The following BANK1 variants were observed in gnomAD, a reference collection of about 807,000 sequenced individuals.
The protein encoded by BANK1 is B cell scaffold protein with ankyrin repeats 1.
BANK1 carries 95 observed loss-of-function variants against 94.5 expected under a neutral mutation model. That is an observed-to-expected ratio of 1.00 (90% CI 0.85 to 1.19). BANK1 has a LOEUF of 1.19. Among genes scored for constraint, BANK1 ranks in the 50% most tolerant of loss-of-function variants. BANK1 has a pLI of 0.00. For synonymous variants in BANK1, 334 were observed against 308.4 expected (o/e 1.08, Z -0.87); for missense variants, 987 against 932.2 (o/e 1.06, Z -0.77).
In BANK1 at chr4:102,074,383, C is replaced by T. The variant is rs770075261; in HGVS notation, c.*384C>T. The T allele has an allele frequency of 1.3e-5, 2 of 152,008 alleles. No homozygotes were observed. Among genetic ancestry groups the T allele is most frequent in the Non-Finnish European group, 2.9e-5 (2 of 67,892 alleles). 9.4% of individuals were successfully genotyped at this position (152,008 alleles called of 1,614,324 possible). On this transcript the variant is annotated 3_prime_UTR_variant, in exon 17 of 17. Coordinates refer to ENST00000322953, the MANE Select transcript of BANK1 (RefSeq NM_017935.5). ...ACCTCAACAGATTATTCCTCCTCTCCTTAGAATAACCATGAAAATACAAAT... is the reference window on the plus strand; with the variant it reads ...ACCTCAACAGATTATTCCTCCTCTCTTTAGAATAACCATGAAAATACAAAT...
chr4:102,003,980 T>C (rs1204432568), intron 7 of BANK1, among the ~76,000 whole-genome samples: 1 of 151,828 alleles, frequency 6.6e-6, no homozygotes. Context: ...TCTATATACA[T>C]ACACATATAC....
intron 2 of BANK1, among the ~76,000 whole-genome samples, chr4:101,838,095 G>A (rs1318459659): frequency 6.6e-6 from 1 of 152,074 alleles, no homozygotes; most frequent in African/African-American, 2.4e-5. Flanking sequence ...GAGTAGCTGG[G>A]ATTACAGGTG....
chr4:101,908,033 T>C (rs959909271), intron 6 of BANK1, among the ~76,000 whole-genome samples: 1 of 152,188 alleles, frequency 6.6e-6, no homozygotes, highest in Non-Finnish European at 1.5e-5. Context: ...AATGACTTTC[T>C]TCACAGAATT....
chr4:102,001,104 C>T (rs989078513), intron 7 of BANK1, among the ~76,000 whole-genome samples: 3 of 152,172 alleles, frequency 2.0e-5, no homozygotes, highest in African/African-American at 7.2e-5. Flanking sequence ...GGGCATGCAG[C>T]AGCAGCAGTG....
At chr4:101,986,897 G>GTATATATATATATATATATATATA in intron 7 of BANK1, among the ~76,000 whole-genome samples, 1 of 58,034 alleles carries the variant, frequency 1.7e-5, no homozygotes, top group African/African-American at 9.4e-5. Flanking sequence ...GTGTGTGTGT[G>GTATATATATATATATATATATATA]TGTATATATA....
chr4:102,048,235 G>C (rs1023047796), intron 11 of BANK1, among the ~76,000 whole-genome samples: 4 of 152,044 alleles, frequency 2.6e-5, no homozygotes, highest in African/African-American at 4.8e-5. Context: ...TTATTTGTAA[G>C]GACTAAGGAA....
chr4:101,991,501 A>G (rs907326124), intron 7 of BANK1, among the ~76,000 whole-genome samples: 1 of 152,118 alleles, frequency 6.6e-6, no homozygotes, highest in Non-Finnish European at 1.5e-5. Flanking sequence ...TTAAAAAGAT[A>G]TAGAGATAAA....
chr4:101,924,669 A>G (rs1370894927), intron 7 of BANK1, among the ~76,000 whole-genome samples: 1 of 151,774 alleles, frequency 6.6e-6, no homozygotes, highest in Non-Finnish European at 1.5e-5. Flanking sequence ...GTTTCTTACA[A>G]CTCAGACACA....
chr4:101,816,027 G>C (rs529416413), intron 1 of BANK1, among the ~76,000 whole-genome samples: 1 of 152,082 alleles, frequency 6.6e-6, no homozygotes, highest in Non-Finnish European at 1.5e-5. Context: ...TGTGTTTGTG[G>C]AAAGTGCTTT....
At chr4:101,963,818 C>G (rs1200078291) in intron 7 of BANK1, among the ~76,000 whole-genome samples, 1 of 152,106 alleles carries the variant, frequency 6.6e-6, no homozygotes, top group Non-Finnish European at 1.5e-5. Flanking sequence ...TATCTGTGCA[C>G]TCCATCCACC....
chr4:101,945,128 C>A (rs1439351378), intron 7 of BANK1, among the ~76,000 whole-genome samples: 1 of 151,886 alleles, frequency 6.6e-6, no homozygotes, highest in Non-Finnish European at 1.5e-5. Context: ...GTACAATTTA[C>A]CTTTTGCATT....
At chr4:101,825,179 GA>G (rs1726316463) in intron 1 of BANK1, among the ~76,000 whole-genome samples, 1 of 152,028 alleles carries the variant, frequency 6.6e-6, no homozygotes, top group South Asian at 2.1e-4. Flanking sequence ...TTTTTATTAT[GA>G]TGCAACTTTC....
intron 8 of BANK1, among the ~76,000 whole-genome samples, chr4:102,024,345 G>C (rs900786919): frequency 2.0e-5 from 3 of 152,048 alleles, no homozygotes; most frequent in African/African-American, 7.2e-5. Flanking sequence ...CCAAAAGACT[G>C]TTTTAAATTT....
chr4:102,009,763 T>TA (rs1312861979), intron 7 of BANK1, among the ~76,000 whole-genome samples: 1 of 152,230 alleles, frequency 6.6e-6, no homozygotes, highest in Non-Finnish European at 1.5e-5. Context: ...GTACAGAACT[T>TA]AGATCGGTGA....
intron 5 of BANK1, among the ~76,000 whole-genome samples, chr4:101,870,847 G>A (rs1472030997): frequency 6.6e-6 from 1 of 151,980 alleles, no homozygotes; most frequent in Non-Finnish European, 1.5e-5. Context: ...AACAGATAAT[G>A]TCAATGGAAA....
rs1227571696 is a variant in BANK1 at position 102,047,726 on chromosome 4, G to A, written c.1969+3819G>A. ...GAATTAAAGGGAAAATGCAAAGAAG[G>A]CCACAGGAGATGAAGAGAAATGACG... On this transcript the variant is annotated intron_variant, in intron 11 of 16. Coordinates refer to ENST00000322953, the MANE Select transcript of BANK1 (RefSeq NM_017935.5). 2.6e-5 allele frequency among the ~76,000 whole-genome samples: 4 copies of A among 151,924 alleles called. No homozygotes were observed. In the East Asian group the frequency reaches 7.7e-4, roughly 29 times the overall value.
At chr4:101,835,090 A>G (rs1726774268) in intron 2 of BANK1, among the ~76,000 whole-genome samples, 1 of 152,118 alleles carries the variant, frequency 6.6e-6, no homozygotes. Context: ...CGTTTGTATG[A>G]CATTCCTTCC....
At chr4:101,950,770 A>G (rs547558219) in intron 7 of BANK1, among the ~76,000 whole-genome samples, 2 of 152,304 alleles carry the variant, frequency 1.3e-5, no homozygotes, top group South Asian at 4.1e-4. Flanking sequence ...ATCAAAGATA[A>G]GATGAGGAAT....
chr4:102,042,524 TA>T (rs1206117964), intron 10 of BANK1, among the ~76,000 whole-genome samples: 2 of 152,106 alleles, frequency 1.3e-5, no homozygotes, highest in Admixed American at 1.3e-4. Context: ...CATACATTTT[TA>T]ATTACTAATT....
Sources: allele counts gnomAD v4.1 joint callset (sites outside exome capture counted in the v4.1 genomes callset), GRCh38; gene constraint gnomAD v4.1.1; transcripts MANE v1.5; gene names NCBI Gene and HGNC (gene_info 2026-07-23, HGNC 2026-07-21).